ZNG1A: variants seen among roughly 807,000 people sequenced by gnomAD.
ZNG1A encodes Zn regulated GTPase metalloprotein activator 1A.
At chr9:136,883 A>G in the ZNG1A span, among the ~76,000 whole-genome samples, 1 of 151,870 alleles carries the variant, frequency 6.6e-6, no homozygotes, top group Non-Finnish European at 1.5e-5. Context: ...ACAAAAAAGT[A>G]AAAATAAAAA....
At chr9:139,813 C>T in the ZNG1A span, among the ~76,000 whole-genome samples, 15 of 151,438 alleles carry the variant, frequency 9.9e-5, no homozygotes, top group African/African-American at 2.2e-4. Context: ...GTGCACCATC[C>T]GCGAGCCGAA....
chr9:159,636 A>G, the ZNG1A span, among the ~76,000 whole-genome samples: 1 of 151,600 alleles, frequency 6.6e-6, no homozygotes, highest in African/African-American at 2.4e-5. Flanking sequence ...TAACTTCATG[A>G]AGGGCTATAG....
chr9:135,197 G>A, the ZNG1A span, among the ~76,000 whole-genome samples: 1 of 150,300 alleles, frequency 6.7e-6, no homozygotes, highest in Non-Finnish European at 1.5e-5. Flanking sequence ...AGAAAAGCTG[G>A]CAGATTAAGT....
At chr9:149,972 T>G in the ZNG1A span, among the ~76,000 whole-genome samples, 1 of 150,410 alleles carries the variant, frequency 6.6e-6, no homozygotes, top group African/African-American at 2.5e-5. Flanking sequence ...TCTTAACTAC[T>G]CAAGGTGAGC....
the ZNG1A span, chr9:146,079 T>C: frequency 2.0e-6 from 3 of 1,505,216 alleles, no homozygotes; most frequent in African/African-American, 2.9e-5. Flanking sequence ...ACAATAAAAG[T>C]AACCAAATTA....
the ZNG1A span, among the ~76,000 whole-genome samples, chr9:163,195 C>T: frequency 6.6e-6 from 1 of 151,990 alleles, no homozygotes; most frequent in South Asian, 2.1e-4. Flanking sequence ...AAAACATAGT[C>T]GCTTAACTAA....
chr9:157,671 CACACCCATCAAGTAAAAT>C, the ZNG1A span, among the ~76,000 whole-genome samples: 1 of 147,746 alleles, frequency 6.8e-6, no homozygotes, highest in Non-Finnish European at 1.5e-5. Context: ...TAATTGAACA[CACACCCATCAAGTAAAAT>C]GACATAATTT....
At chr9:162,875 T>G in the ZNG1A span, among the ~76,000 whole-genome samples, 2 of 151,558 alleles carry the variant, frequency 1.3e-5, no homozygotes, top group Non-Finnish European at 1.5e-5. Context: ...AGACTTTTCT[T>G]AAGATTTAAA....
the ZNG1A span, among the ~76,000 whole-genome samples, chr9:140,876 G>A: frequency 1.5e-3 from 217 of 141,086 alleles, no homozygotes; most frequent in African/African-American, 4.7e-3. Flanking sequence ...ACCAAGGCTC[G>A]AGAACTACGT....
At chr9:140,402 G>C in the ZNG1A span, among the ~76,000 whole-genome samples, 73 of 151,136 alleles carry the variant, frequency 4.8e-4, no homozygotes, top group East Asian at 1.2e-3. Context: ...AGCAGAGGCA[G>C]GCTGACACCT....
At chr9:135,175 A>G in the ZNG1A span, 18 of 1,489,050 alleles carry the variant, frequency 1.2e-5, no homozygotes, top group Non-Finnish European at 1.6e-5. Context: ...AGTTGTTCGC[A>G]AATTCCAATA....
the ZNG1A span, among the ~76,000 whole-genome samples, chr9:128,994 CT>C: frequency 1.3e-5 from 2 of 151,748 alleles, no homozygotes; most frequent in African/African-American, 4.9e-5. Context: ...CAGGCTGGTA[CT>C]GGGGGGTAGT....
chr9:141,082 G>C, the ZNG1A span, among the ~76,000 whole-genome samples: 1 of 138,226 alleles, frequency 7.2e-6, no homozygotes, highest in African/African-American at 2.8e-5. Context: ...ACCTGAAAGT[G>C]ACAGGGAGAA....
the ZNG1A span, chr9:175,873 T>A: frequency 7.4e-7 from 1 of 1,356,326 alleles, no homozygotes; most frequent in Non-Finnish European, 9.9e-7. Context: ...TTTTTGAGAA[T>A]TTGCGTGCTA....
the ZNG1A span, among the ~76,000 whole-genome samples, chr9:174,712 TG>T: frequency 1.3e-5 from 2 of 150,920 alleles, no homozygotes; most frequent in Admixed American, 6.6e-5. Context: ...TTTTTACAAC[TG>T]AAAAAAAATA....
chr9:177,717 A>G, the ZNG1A span: 1 of 1,505,644 alleles, frequency 6.6e-7, no homozygotes, highest in Non-Finnish European at 9.0e-7. Flanking sequence ...TGATCTACTG[A>G]CCTACCAGTG....
chr9:146,978 C>A, the ZNG1A span: 1 of 151,218 alleles, frequency 6.6e-6, no homozygotes, highest in Admixed American at 6.6e-5. Context: ...TCAAGACCAT[C>A]CTGGCCATGG....
the ZNG1A span, among the ~76,000 whole-genome samples, chr9:135,879 T>C: frequency 1.2e-5 from 1 of 85,556 alleles, no homozygotes; most frequent in African/African-American, 5.9e-5. Flanking sequence ...TTCTCCTGTT[T>C]AGCAGTTAAG....
the ZNG1A span, chr9:150,512 A>G: frequency 2.1e-6 from 2 of 948,462 alleles, no homozygotes; most frequent in East Asian, 2.4e-4. Flanking sequence ...TCAGGACCCA[A>G]TAGTAAGAAT....
Sources: gnomAD v4.1 joint callset for allele counts (sites outside exome capture counted in the v4.1 genomes callset) on GRCh38, gnomAD v4.1.1 for gene constraint, MANE v1.5 for transcripts, NCBI Gene and HGNC (gene_info 2026-07-23, HGNC 2026-07-21) for gene names.